The following SLC30A7 variants were observed in gnomAD, a reference collection of about 807,000 sequenced individuals.
The protein encoded by SLC30A7 is zinc transporter 7.
A neutral mutation model predicts 46.0 loss-of-function variants in SLC30A7; 35 were observed. That is an observed-to-expected ratio of 0.76 (90% confidence interval 0.58 to 1.01). The LOEUF (loss-of-function observed/expected upper bound fraction) is 1.01, where lower values mean the gene tolerates loss of function less well. SLC30A7 is among the 50% of genes least tolerant of loss of function. The pLI is 0.00. For synonymous variants in SLC30A7, 147 were observed against 157.8 expected, an observed-to-expected ratio of 0.93 and a Z score of 0.51; for missense variants, 464 against 451.1, an observed-to-expected ratio of 1.03 and a Z score of -0.26.
intron 8 of SLC30A7, among the ~76,000 whole-genome samples, chr1:100,949,298 G>T (rs1281376747): frequency 6.6e-6 from 1 of 152,154 alleles, no homozygotes; most frequent in Non-Finnish European, 1.5e-5. Flanking sequence ...TTTGCTGTAG[G>T]TCCACTCCAG....
intron 8 of SLC30A7, among the ~76,000 whole-genome samples, chr1:100,952,475 G>A (rs530227887): frequency 6.6e-6 from 1 of 152,178 alleles, no homozygotes; most frequent in Non-Finnish European, 1.5e-5. Flanking sequence ...CTTAAAGGAA[G>A]GCTATTGGGA....
At chr1:100,981,784 G>A (rs1656949450), downstream of SLC30A7, 1 of 151,988 alleles carries the variant, frequency 6.6e-6, no homozygotes, top group Admixed American at 6.6e-5. Context: ...TCAGTTTGAC[G>A]AACTGAAACA....
chr1:100,983,401 C>CAAAAAA (rs1326139897), downstream of SLC30A7, among the ~76,000 whole-genome samples: 1 of 100,170 alleles, frequency 1.0e-5, no homozygotes, highest in Non-Finnish European at 2.2e-5. Flanking sequence ...CAAAACAAAA[C>CAAAAAA]AAAACAAAAA....
chr1:100,952,345 A>G (rs913721118), intron 8 of SLC30A7, among the ~76,000 whole-genome samples: 6 of 152,210 alleles, frequency 3.9e-5, no homozygotes, highest in Non-Finnish European at 1.5e-5. Context: ...AAATGGGGAC[A>G]ATGATAATAC....
intron 8 of SLC30A7, among the ~76,000 whole-genome samples, chr1:100,942,656 T>C (rs1165084194): frequency 1.3e-5 from 2 of 152,228 alleles, no homozygotes; most frequent in African/African-American, 4.8e-5. Context: ...AAATTAAAAG[T>C]TAAGTTCTTG....
rs528263846 is a variant in SLC30A7, at chr1:100,921,617, A to G, written c.707-89A>G. ...TTGAAGTTGATATCTAGTTTTTTAT[A>G]TATAAAATTAAGAGTATAGCTCTAG... On this transcript the variant is annotated intron_variant, in intron 7 of 10. Coordinates refer to ENST00000357650, the MANE Select transcript of SLC30A7 (RefSeq NM_133496.5). 5.6e-5 allele frequency: 55 copies of G among 975,786 alleles called. 1 individual carries two copies. The highest frequency in any genetic ancestry group is 3.4e-4 in the Middle Eastern group (1 of 2,928). 60.4% of individuals were successfully genotyped at this position (975,786 alleles called of 1,614,324 possible). A position where few individuals can be genotyped will look rare whatever the true frequency, so the allele number is the denominator to read the frequency against.
intron 8 of SLC30A7, among the ~76,000 whole-genome samples, chr1:100,938,513 T>G (rs1250588440): frequency 6.6e-6 from 1 of 152,242 alleles, no homozygotes; most frequent in African/African-American, 2.4e-5. Context: ...ATTGCCACAA[T>G]TTTTCCAGCT....
At chr1:100,935,491 C>G (rs1272995197) in intron 8 of SLC30A7, among the ~76,000 whole-genome samples, 3 of 152,180 alleles carry the variant, frequency 2.0e-5, no homozygotes, top group African/African-American at 7.2e-5. Flanking sequence ...GGGAATGGAG[C>G]TATAGTGATA....
chr1:100,949,731 C>T (rs1654856002), intron 8 of SLC30A7, among the ~76,000 whole-genome samples: 1 of 152,184 alleles, frequency 6.6e-6, no homozygotes, highest in African/African-American at 2.4e-5. Flanking sequence ...AGATGCCCCT[C>T]CCCCAGCCAG....
intron 8 of SLC30A7, among the ~76,000 whole-genome samples, chr1:100,929,225 G>A (rs572199913): frequency 6.6e-6 from 1 of 152,024 alleles, no homozygotes; most frequent in South Asian, 2.1e-4. Context: ...TACATCTCTT[G>A]CCTAATTTCT....
In SLC30A7 at chr1:100,980,817, T is replaced by C. The variant is rs1656885237; in HGVS notation, c.*5960T>C. The C allele has an allele frequency of 6.6e-6, 1 of 152,100 alleles. No individual in the cohort carries two copies. The highest frequency in any genetic ancestry group is 2.1e-4 in the South Asian group (1 of 4,832). The allele number at this position is 152,100 out of a possible 1,614,324, so 9.4% of individuals were successfully genotyped here. On this transcript the variant is annotated 3_prime_UTR_variant, in exon 11 of 11. Coordinates refer to ENST00000357650, the MANE Select transcript of SLC30A7 (RefSeq NM_133496.5). ...TCACTTGAATTTTCTATATTTTGTA[T>C]GGCCAAATCAGGAACCAGACAGTCT...
intron 6 of SLC30A7, among the ~76,000 whole-genome samples, chr1:100,916,194 T>C (rs1570524833): frequency 6.6e-6 from 1 of 152,048 alleles, no homozygotes; most frequent in Non-Finnish European, 1.5e-5. Flanking sequence ...TTTATTTATT[T>C]ATTTATTTTT....
chr1:100,909,745 A>G (rs1484960063), intron 3 of SLC30A7, among the ~76,000 whole-genome samples: 2 of 152,136 alleles, frequency 1.3e-5, no homozygotes, highest in Non-Finnish European at 2.9e-5. Context: ...AATTAGAAAC[A>G]AAAAGATGCC....
the SLC30A7 span, chr1:100,992,622 T>C: frequency 6.2e-5 from 98 of 1,588,772 alleles, 1 homozygote; most frequent in African/African-American, 6.8e-4. Context: ...AGAGCCCTTC[T>C]AGTGTCTTGA....
At chr1:100,974,203 G>A (rs768654914) in intron 10 of SLC30A7, among the ~76,000 whole-genome samples, 1 of 152,110 alleles carries the variant, frequency 6.6e-6, no homozygotes, top group Non-Finnish European at 1.5e-5. Flanking sequence ...CCTGAATAGT[G>A]TACATTGTAC....
In SLC30A7 at chr1:100,979,436, C is replaced by CAAAAAAAAAAAAAAAAAAAAA. The variant is rs67182429; in HGVS notation, c.*4581_*4601dup. The CAAAAAAAAAAAAAAAAAAAAA allele has an allele frequency of 1.1e-5, 1 of 90,580 alleles. No individual in the cohort carries two copies. Among genetic ancestry groups the CAAAAAAAAAAAAAAAAAAAAA allele is most frequent in the African/African-American group, 4.1e-5 (1 of 24,604 alleles). 5.6% of individuals were successfully genotyped at this position (90,580 alleles called of 1,614,324 possible). A position where few individuals can be genotyped will look rare whatever the true frequency, so the allele number is the denominator to read the frequency against. On this transcript the variant is annotated 3_prime_UTR_variant, in exon 11 of 11. Coordinates refer to ENST00000357650, the MANE Select transcript of SLC30A7 (RefSeq NM_133496.5). ...CAAATACAGTGAAAGATTATGTATC[C>CAAAAAAAAAAAAAAAAAAAAA]AAAAAAAAAAAAAAAAAAAAAAGAA...
In SLC30A7 at chr1:100,901,120, A is replaced by G. The variant is rs1317815389; in HGVS notation, c.182+4449A>G. Among the ~76,000 whole-genome samples, 7 of 152,284 alleles carry G rather than the reference A, an allele frequency of 4.6e-5. No individual in the cohort carries two copies. The East Asian group carries it at 9.7e-4, about 21-fold the overall frequency. ...AAGATAAAATCCACCCCCCCTTAAC[A>G]TAACCCAAAACCATTATCACCCATG... On this transcript the variant is annotated intron_variant, in intron 2 of 10. Transcript: ENST00000357650.
chr1:100,948,913 T>C (rs1654797834), intron 8 of SLC30A7, among the ~76,000 whole-genome samples: 1 of 152,172 alleles, frequency 6.6e-6, no homozygotes, highest in Admixed American at 6.5e-5. Context: ...TTCTCTACAC[T>C]GTTTAGTTAG....
At chr1:100,906,705 T>C (rs1651697593) in intron 2 of SLC30A7, 147 bp from the exon 3 acceptor site, 2 of 561,486 alleles carry the variant, frequency 3.6e-6, no homozygotes, top group East Asian at 3.0e-5. Context: ...TTAAAACTTA[T>C]CCTCAAAGCT....
Sources: allele counts gnomAD v4.1 joint callset (sites outside exome capture counted in the v4.1 genomes callset), GRCh38; gene constraint gnomAD v4.1.1; transcripts MANE v1.5; gene names NCBI Gene and HGNC (gene_info 2026-07-23, HGNC 2026-07-21).